The following LYPLAL1 variants were observed in gnomAD, a reference collection of about 807,000 sequenced individuals.
LYPLAL1 encodes lysophospholipase-like protein 1.
LYPLAL1 carries 23 observed loss-of-function variants against 19.7 expected under a neutral mutation model. The ratio of observed to expected loss-of-function variants is 1.17; its 90% CI spans 0.84 to 1.65. LYPLAL1 has a LOEUF of 1.65. Among genes scored for constraint, LYPLAL1 ranks in the 40% most tolerant of loss-of-function variants. The pLI, the probability that LYPLAL1 is intolerant of heterozygous loss-of-function variation, is 0.00. For missense variants in LYPLAL1, 355 were observed against 279.4 expected (o/e 1.27, Z -1.93); for synonymous variants, 119 against 96.3 (o/e 1.24, Z -1.38).
At chr1:219,241,134 C>CTCTCTCTCTCTCTCTCTCTCTCTATA in the LYPLAL1 span, among the ~76,000 whole-genome samples, 2 of 44,358 alleles carry the variant, frequency 4.5e-5, no homozygotes, top group East Asian at 1.6e-3. Context: ...CTCTCTCTCT[C>CTCTCTCTCTCTCTCTCTCTCTCTATA]TATATATATA....
At chr1:219,205,850 A>T (rs1430659977) in intron 3 of LYPLAL1, among the ~76,000 whole-genome samples, 2 of 152,230 alleles carry the variant, frequency 1.3e-5, no homozygotes, top group Non-Finnish European at 2.9e-5. Flanking sequence ...AACAACTAGT[A>T]GGACTTTAAA....
chr1:219,210,291 A>G (rs1658904357), intron 3 of LYPLAL1: 2 of 246,080 alleles, frequency 8.1e-6, no homozygotes, highest in East Asian at 1.5e-4. Flanking sequence ...TGAACATGAT[A>G]TATTTGTTTA....
the LYPLAL1 span, among the ~76,000 whole-genome samples, chr1:219,426,491 A>G: frequency 6.6e-6 from 1 of 152,210 alleles, no homozygotes; most frequent in African/African-American, 2.4e-5. Context: ...CAGCAGGATT[A>G]TTGATATTAG....
At chr1:219,347,213 C>T in the LYPLAL1 span, among the ~76,000 whole-genome samples, 5 of 152,156 alleles carry the variant, frequency 3.3e-5, no homozygotes, top group Admixed American at 2.0e-4. Flanking sequence ...TATTTCTGGA[C>T]AAGCTGCTAT....
At chr1:219,176,349 A>G (rs990710511) in intron 1 of LYPLAL1, among the ~76,000 whole-genome samples, 2 of 152,188 alleles carry the variant, frequency 1.3e-5, no homozygotes, top group Non-Finnish European at 2.9e-5. Flanking sequence ...ATTCCACACT[A>G]AGCTAGTAGG....
the LYPLAL1 span, among the ~76,000 whole-genome samples, chr1:219,238,634 C>G: frequency 2.9e-4 from 44 of 152,070 alleles, 1 homozygote; most frequent in Non-Finnish European, 4.4e-5. Context: ...GGGGCCAGGT[C>G]TGGAACCACT....
chr1:219,423,810 T>C, the LYPLAL1 span, among the ~76,000 whole-genome samples: 1 of 152,054 alleles, frequency 6.6e-6, no homozygotes, highest in African/African-American at 2.4e-5. Context: ...AAAATAAATG[T>C]GAGGTGTTAT....
At chr1:219,201,632 TAATTA>T (rs996989975) in intron 3 of LYPLAL1, among the ~76,000 whole-genome samples, 8 of 152,140 alleles carry the variant, frequency 5.3e-5, no homozygotes, top group Admixed American at 5.2e-4. Flanking sequence ...TGAGATGAGC[TAATTA>T]ATGTCTATAA....
chr1:219,293,452 C>G, the LYPLAL1 span, among the ~76,000 whole-genome samples: 1 of 152,002 alleles, frequency 6.6e-6, no homozygotes, highest in African/African-American at 2.4e-5. Flanking sequence ...TCTCTCCCCC[C>G]AGCTCTCTCC....
chr1:219,273,012 A>T, the LYPLAL1 span: 1 of 152,224 alleles, frequency 6.6e-6, no homozygotes, highest in African/African-American at 2.4e-5. Context: ...GCAGACAGCC[A>T]CTGTATTAAA....
chr1:219,377,282 A>G, the LYPLAL1 span, among the ~76,000 whole-genome samples: 1 of 152,206 alleles, frequency 6.6e-6, no homozygotes, highest in Non-Finnish European at 1.5e-5. Context: ...TATCTAGAGT[A>G]CTCAAATTCT....
the LYPLAL1 span, among the ~76,000 whole-genome samples, chr1:219,360,652 T>C: frequency 6.6e-6 from 1 of 152,168 alleles, no homozygotes; most frequent in Non-Finnish European, 1.5e-5. Context: ...TATGCACATG[T>C]GTGCTCACGG....
At chr1:219,312,980 C>T in the LYPLAL1 span, among the ~76,000 whole-genome samples, 40 of 152,302 alleles carry the variant, frequency 2.6e-4, no homozygotes, top group African/African-American at 7.7e-4. Flanking sequence ...TGATTCCTGT[C>T]TTCTAACATC....
chr1:219,347,555 C>A, the LYPLAL1 span, among the ~76,000 whole-genome samples: 388 of 152,266 alleles, frequency 2.5e-3, 1 homozygote, highest in Non-Finnish European at 5.0e-3. Context: ...ATACCACCCC[C>A]CAGGATTCTG....
intron 3 of LYPLAL1, among the ~76,000 whole-genome samples, chr1:219,195,448 G>T (rs776111043): frequency 1.7e-4 from 26 of 149,478 alleles, no homozygotes; most frequent in Non-Finnish European, 3.0e-4. Context: ...TTCTTCATAA[G>T]CAAAAAAATA....
chr1:219,214,275 A>G (rs1659207199), downstream of LYPLAL1, among the ~76,000 whole-genome samples: 1 of 152,104 alleles, frequency 6.6e-6, no homozygotes, highest in African/African-American at 2.4e-5. Context: ...TGTATTCACT[A>G]ATATTTTGTT....
chr1:219,419,548 A>AACAC, the LYPLAL1 span, among the ~76,000 whole-genome samples: 653 of 97,814 alleles, frequency 6.7e-3, 11 homozygotes, highest in East Asian at 0.045. Flanking sequence ...GCCCTAGCCC[A>AACAC]ACACACACAC....
intron 3 of LYPLAL1, among the ~76,000 whole-genome samples, chr1:219,202,366 C>CG (rs2125094125): frequency 6.6e-6 from 1 of 152,338 alleles, no homozygotes; most frequent in South Asian, 2.1e-4. Context: ...CACTTGGAGA[C>CG]TTACAGGTAG....
intron 3 of LYPLAL1, among the ~76,000 whole-genome samples, chr1:219,208,591 CATT>C (rs1467193581): frequency 6.6e-6 from 1 of 151,972 alleles, no homozygotes; most frequent in Non-Finnish European, 1.5e-5. Flanking sequence ...GAAACTGACT[CATT>C]AGTATGCGTG....
Sources: allele counts gnomAD v4.1 joint callset (sites outside exome capture counted in the v4.1 genomes callset), GRCh38; gene constraint gnomAD v4.1.1; transcripts MANE v1.5; gene names NCBI Gene and HGNC (gene_info 2026-07-23, HGNC 2026-07-21).